TOE1: variants seen among roughly 807,000 people sequenced by gnomAD.
The protein encoded by TOE1 is target of EGR1 protein 1.
A neutral mutation model predicts 49.2 loss-of-function variants in TOE1; 50 were observed. The ratio of observed to expected loss-of-function variants is 1.02; its 90% CI spans 0.81 to 1.29. The LOEUF (loss-of-function observed/expected upper bound fraction) is 1.29. Among genes scored for constraint, TOE1 ranks in the 50% most tolerant of loss-of-function variants. TOE1 has a pLI of 0.00. For missense variants in TOE1, 544 were observed against 654.4 expected (o/e 0.83, Z 1.84); for synonymous variants, 221 against 247.0 (o/e 0.89, Z 0.99).
chr1:45,340,642 C>T lies in TOE1; in HGVS notation c.52+338C>T, dbSNP rs3219464. 3.9e-4 allele frequency: 490 copies of T among 1,252,144 alleles called. 2 individuals are homozygous for T. The highest frequency in any genetic ancestry group is 2.2e-3 in the South Asian group (136 of 61,340). The allele number at this position is 1,252,144 out of a possible 1,614,324, so 77.6% of individuals were successfully genotyped here. ...TGGGAGCTCTGGTGTGGGGCACTGC[C>T]AGGCTCTGGGGCTTACTGGGAGCTG... On this transcript the variant is annotated intron_variant, in intron 1 of 7. Transcript: ENST00000372090.
chr1:45,342,452 G>C lies in TOE1; in HGVS notation c.561G>C (p.Leu187=), dbSNP rs1413775905. 9 of 1,613,960 alleles carry C rather than the reference G, an allele frequency of 5.6e-6. No individual in the cohort carries two copies. In the East Asian group the frequency reaches 1.6e-4, roughly 28 times the overall value. Residue 187 remains leucine (L), a synonymous_variant, in exon 6 of 8, where the codon CTG becomes CTC. Coordinates refer to ENST00000372090, the MANE Select transcript of TOE1 (RefSeq NM_025077.4). ...FLELIRARRP[L]VLHNGLIDLV... ...AGCTAATCCGAGCCCGCCGGCCCCT[G>C]GTGCTACACAATGGCCTTATAGACT... is the stretch of plus-strand genomic sequence containing the variant.
Position 45,341,567 on chromosome 1 carries a change from A to G in TOE1, c.331A>G (p.Lys111Glu), listed in dbSNP as rs1646979787. 6.2e-7 allele frequency: 1 copy of G among 1,612,748 alleles called. No homozygotes were observed. Among genetic ancestry groups the G allele is most frequent in the African/African-American group, 1.3e-5 (1 of 74,846 alleles). Residue 111 changes from lysine (K) to glutamate (E), a missense_variant and splice_region_variant, in exon 4 of 8, where the codon AAG becomes GAG. Coordinates refer to ENST00000372090, the MANE Select transcript of TOE1 (RefSeq NM_025077.4). Reference sequence around the variant, plus strand: ...CGCCTGCTTCAAGCGGCAGCCAGACAAGGTATGAGCTGATCTCACCCCAAT... The same window carrying G: ...CGCCTGCTTCAAGCGGCAGCCAGACGAGGTATGAGCTGATCTCACCCCAAT... The part of the protein sequence containing the change: ...GLACFKRQPD[K>E]GEHSYLAQVF...
At chr1:45,340,668 T>A in intron 1 of TOE1, 1 of 1,080,864 alleles carries the variant, frequency 9.3e-7, no homozygotes, top group Non-Finnish European at 1.2e-6. Context: ...CTGGGAGCTG[T>A]TGCTTGTGGC....
intron 4 of TOE1, 60 bp downstream of exon 4, chr1:45,341,629 C>G (rs1446845027): frequency 1.4e-6 from 2 of 1,445,072 alleles, no homozygotes; most frequent in Non-Finnish European, 1.9e-6. Flanking sequence ...TAGAGAGATT[C>G]TAGGGAACAT....
rs761657146 is a variant in TOE1, at chr1:45,341,067, C to A, written c.53-6C>A. ...CATGAACATCCATCACCCTCCTAAC[C>A]CCCAGGTGGTGTCAGCAAAAGCACA... On this transcript the variant is annotated splice_polypyrimidine_tract_variant and splice_region_variant and intron_variant, in intron 1 of 7. Coordinates refer to ENST00000372090, the MANE Select transcript of TOE1 (RefSeq NM_025077.4). 1 of 1,614,172 alleles carries A rather than the reference C, an allele frequency of 6.2e-7. No individual in the cohort carries two copies. Among genetic ancestry groups the A allele is most frequent in the Admixed American group, 1.7e-5 (1 of 60,024 alleles).
rs1647069953 is a variant in TOE1 at position 45,342,971 on chromosome 1, C to T, written c.881C>T (p.Pro294Leu). ...TGCCTGCCCCCAGCAACCCACCGTC[C>T]TCATCCCACCAGCATCTGTGACAAC... ...RCCLPPATHRPHPTSICDNFS... is the reference protein window; with the variant it reads ...RCCLPPATHRLHPTSICDNFS... The change falls in exon 7 of 8, where the codon CCT becomes CTT. Residue 294 changes from proline (P) to leucine (L), a missense_variant. Transcript: ENST00000372090. 3.1e-6 allele frequency: 5 copies of T among 1,613,838 alleles called. No homozygotes were observed. The highest frequency in any genetic ancestry group is 4.2e-6 in the Non-Finnish European group (5 of 1,179,984).
chr1:45,340,464 C>G, intron 1 of TOE1, 160 bp downstream of exon 1: 1 of 1,474,900 alleles, frequency 6.8e-7, no homozygotes, highest in Non-Finnish European at 9.0e-7. Context: ...CACCGCGGCT[C>G]CGGCTGCAAA....
intron 6 of TOE1, 96 bp downstream of exon 6, chr1:45,342,739 T>C (rs1292652580): frequency 7.5e-6 from 12 of 1,600,158 alleles, no homozygotes; most frequent in Non-Finnish European, 1.0e-5. Flanking sequence ...GCCCAGGCAG[T>C]GTTTTAGGTG....
rs1482018801 is a variant in TOE1 at position 45,343,478 on chromosome 1, T to C, written c.1309T>C (p.Leu437=). ...ASPNPVPGDG[L]HRAGFDAFMT... ...TCCTAACCCAGTGCCTGGGGATGGATTGCACCGGGCTGGTTTTGATGCCTT... is the reference window on the plus strand; with the variant it reads ...TCCTAACCCAGTGCCTGGGGATGGACTGCACCGGGCTGGTTTTGATGCCTT... Residue 437 remains leucine (L), a synonymous_variant, in exon 8 of 8, where the codon TTG becomes CTG. Transcript: ENST00000372090. This position sits in a 1 kb window ranked among gnomAD's most constrained non-coding sequence, Gnocchi z 4.3. 6.2e-7 allele frequency: 1 copy of C among 1,614,084 alleles called. No homozygotes were observed. Among genetic ancestry groups the C allele is most frequent in the Admixed American group, 1.7e-5 (1 of 60,016 alleles).
chr1:45,342,646 G>A lies in TOE1; in HGVS notation c.752+3G>A, dbSNP rs1013983292. ...TTAGAATATGCCTTCCGGAAATGGTGAGGAAATGGTTGAGGGAAAGGGGTG... is the reference window on the plus strand; with the variant it reads ...TTAGAATATGCCTTCCGGAAATGGTAAGGAAATGGTTGAGGGAAAGGGGTG... On this transcript the variant is annotated splice_donor_region_variant and intron_variant, in intron 6 of 7. Coordinates refer to ENST00000372090, the MANE Select transcript of TOE1 (RefSeq NM_025077.4). 6.2e-7 allele frequency: 1 copy of A among 1,613,206 alleles called. No homozygotes were observed. Among genetic ancestry groups the A allele is most frequent in the African/African-American group, 1.3e-5 (1 of 74,890 alleles).
rs149814343 is a variant in TOE1, at chr1:45,341,078, G to C, written c.58G>C (p.Val20Leu). 743 of 1,614,228 alleles carry C rather than the reference G, an allele frequency of 4.6e-4. 4 individuals carry two copies. The highest frequency in any genetic ancestry group is 2.4e-4 in the Non-Finnish European group (279 of 1,180,032). Residue 20 changes from valine (V) to leucine (L), a missense_variant, in exon 2 of 8, where the codon GTC (valine) becomes CTC (leucine). By Grantham distance (32) the Val-to-Leu change is conservative. Transcript: ENST00000372090. ...VSAPAASDGG[V>L]SKSTTSGEEL... ...ATCACCCTCCTAACCCCCAGGTGGT[G>C]TCAGCAAAAGCACAACATCTGGGGA...
Position 45,340,208 on chromosome 1 carries a change from G to C in TOE1, c.-45G>C, listed in dbSNP as rs2275602. On this transcript the variant is annotated 5_prime_UTR_variant, in exon 1 of 8. Transcript: ENST00000372090. The stretch of plus-strand genomic sequence containing the variant: ...AACCGCGCCAGGAGACGGACCGCAA[G>C]TCCAGCGTACCCACAGACGACTCAG... 13 of 1,613,642 alleles carry C rather than the reference G, an allele frequency of 8.1e-6. No individual in the cohort carries two copies. The highest frequency in any genetic ancestry group is 1.1e-5 in the South Asian group (1 of 91,088).
Position 45,341,970 on chromosome 1 carries a change from C to T in TOE1, c.355C>T (p.Gln119Ter). The T allele has an allele frequency of 6.2e-7, 1 of 1,613,990 alleles. No individual in the cohort carries two copies. The highest frequency in any genetic ancestry group is 8.5e-7 in the Non-Finnish European group (1 of 1,179,942). ...CCAGGGTGAACATTCCTATCTGGCT[C>T]AAGTGTTCAATCTCACTCTGCTGTG... The part of the protein sequence containing the change: ...PDKGEHSYLA[Q>*]VFNLTLLCME... The change falls in exon 5 of 8, where the codon CAA becomes TAA. Residue 119 changes from glutamine to a stop codon, truncating the protein, a stop_gained. Transcript: ENST00000372090. LOFTEE classifies it high-confidence loss of function.
Position 45,342,465 on chromosome 1 carries a change from G to C in TOE1, c.574G>C (p.Gly192Arg), listed in dbSNP as rs374271681. The change falls in exon 6 of 8, where the codon GGC (glycine) becomes CGC (arginine). Residue 192 changes from glycine (G) to arginine (R), a missense_variant. Transcript: ENST00000372090. ...CCGCCGGCCCCTGGTGCTACACAAT[G>C]GCCTTATAGACTTGGTGTTCCTGTA... ...RARRPLVLHNGLIDLVFLYQN... is the reference protein window; with the variant it reads ...RARRPLVLHNRLIDLVFLYQN... The C allele has an allele frequency of 6.2e-7, 1 of 1,614,008 alleles. No individual in the cohort carries two copies. Among genetic ancestry groups the C allele is most frequent in the Non-Finnish European group, 8.5e-7 (1 of 1,180,056 alleles).
At position 45,342,604 on chromosome 1, in the gene TOE1, G is replaced by GT. The variant is rs775701267; in HGVS notation, c.716dup (p.Val240ArgfsTer13). 1.9e-6 allele frequency: 3 copies of GT among 1,613,966 alleles called. No individual in the cohort carries two copies. Among genetic ancestry groups the GT allele is most frequent in the Non-Finnish European group, 2.5e-6 (3 of 1,180,040 alleles). On this transcript the variant is annotated frameshift_variant, in exon 6 of 8. Coordinates refer to ENST00000372090, the MANE Select transcript of TOE1 (RefSeq NM_025077.4). LOFTEE classifies it high-confidence loss of function. The stretch of plus-strand genomic sequence containing the variant: ...AAATATGCTGCTGAGTTTCATGCCC[G>GT]TTTCGTGGCCTCCTACTTAGAATAT...
At chr1:45,341,746 A>C (rs991427667) in intron 4 of TOE1, among the ~76,000 whole-genome samples, 177 bp downstream of exon 4, 2 of 151,634 alleles carry the variant, frequency 1.3e-5, no homozygotes, top group African/African-American at 4.8e-5. Flanking sequence ...TTAAATGAGT[A>C]AGTTCTTTAG....
In TOE1 at chr1:45,343,619, C is replaced by T. The variant is rs1426210518; in HGVS notation, c.1450C>T (p.Pro484Ser). 1 of 1,614,010 alleles carries T rather than the reference C, an allele frequency of 6.2e-7. No homozygotes were observed. Among genetic ancestry groups the T allele is most frequent in the African/African-American group, 1.3e-5 (1 of 74,902 alleles). Residue 484 changes from proline (P) to serine (S), a missense_variant, in exon 8 of 8, where the codon CCC (proline) becomes TCC (serine). Coordinates refer to ENST00000372090, the MANE Select transcript of TOE1 (RefSeq NM_025077.4). The surrounding 1 kb of genome is among the most constrained non-coding windows in gnomAD (Gnocchi z 4.3). ...NKVYLSGKAVPLTVAKSQFSR... is the reference protein window; with the variant it reads ...NKVYLSGKAVSLTVAKSQFSR... ...GGTATATTTGAGTGGCAAAGCTGTA[C>T]CCCTCACAGTGGCCAAGAGCCAGTT...
Position 45,343,927 on chromosome 1 carries a change from G to T in TOE1, c.*225G>T. ...ATTTTTAAGTCTGAAAATGTCTTGGGAAAGTTTTACAAAAAAAAAAATCAA... is the reference window on the plus strand; with the variant it reads ...ATTTTTAAGTCTGAAAATGTCTTGGTAAAGTTTTACAAAAAAAAAAATCAA... On this transcript the variant is annotated 3_prime_UTR_variant, in exon 8 of 8. Transcript: ENST00000372090. This position sits in a 1 kb window ranked among gnomAD's most constrained non-coding sequence, Gnocchi z 4.3. 2.4e-6 allele frequency: 1 copy of T among 420,302 alleles called. No homozygotes were observed. The highest frequency in any genetic ancestry group is 3.7e-5 in the East Asian group (1 of 27,050). 26.0% of individuals were successfully genotyped at this position (420,302 alleles called of 1,614,324 possible). A position where few individuals can be genotyped will look rare whatever the true frequency, so the allele number is the denominator to read the frequency against.
In TOE1 at chr1:45,341,311, T is replaced by G. The variant is rs1646952687; in HGVS notation, c.204T>G (p.Ser68Arg). The part of the protein sequence containing the change: ...ANFVAVDTEL[S>R]GLGDRKSLLN... ...CCTTTACCTACCCACAGGAGCTGAG[T>G]GGGCTTGGGGACAGGAAGAGTTTGC... Residue 68 changes from serine to arginine, a missense_variant, in exon 3 of 8, where the codon AGT becomes AGG. By Grantham distance (110) the Ser-to-Arg change is moderately radical. Transcript: ENST00000372090. 3.1e-6 allele frequency: 5 copies of G among 1,614,014 alleles called. No homozygotes were observed. The highest frequency in any genetic ancestry group is 4.2e-6 in the Non-Finnish European group (5 of 1,180,028).
Sources: allele counts gnomAD v4.1 joint callset (sites outside exome capture counted in the v4.1 genomes callset), GRCh38; gene constraint gnomAD v4.1.1; non-coding constraint Gnocchi (gnomAD v3.1); transcripts MANE v1.5; gene names NCBI Gene and HGNC (gene_info 2026-07-23, HGNC 2026-07-21).